APTX: variants seen among roughly 807,000 people sequenced by gnomAD.
APTX encodes aprataxin, also known as forkhead-associated domain histidine triad-like protein.
APTX carries 33 observed loss-of-function variants against 42.3 expected under a neutral mutation model. The observed-to-expected ratio is 0.78, with a 90% CI of 0.59 to 1.04. APTX has a LOEUF of 1.04. Among genes scored for constraint, APTX ranks in the 50% least tolerant of loss-of-function variants. APTX has a pLI of 0.00. For missense variants in APTX, 421 were observed against 415.1 expected (o/e 1.01, Z -0.12); for synonymous variants, 130 against 146.7 (o/e 0.89, Z 0.82).
intron 1 of APTX, chr9:33,024,856 G>GT (rs1349785360): frequency 7.9e-5 from 5 of 63,136 alleles, no homozygotes; most frequent in Non-Finnish European, 1.9e-4. Flanking sequence ...AGAGGCGCCC[G>GT]TAAGAGGGGG....
At chr9:32,992,622 T>C (rs1362892828) in intron 1 of APTX, among the ~76,000 whole-genome samples, 3 of 152,220 alleles carry the variant, frequency 2.0e-5, no homozygotes, top group African/African-American at 7.2e-5. Flanking sequence ...GAAAGAATAC[T>C]AGGCTGAAAA....
intron 1 of APTX, chr9:33,020,218 T>C (rs949249658): frequency 1.5e-5 from 3 of 201,342 alleles, no homozygotes; most frequent in Admixed American, 6.0e-5. Context: ...TGGACTCACC[T>C]TTTCCTTCAC....
intron 6 of APTX, chr9:32,979,865 A>G: frequency 5.8e-6 from 1 of 171,532 alleles, no homozygotes; most frequent in South Asian, 1.2e-4. Flanking sequence ...TGCATTTCGT[A>G]CCTATATTCC....
At chr9:32,995,985 C>A (rs951725358) in intron 1 of APTX, among the ~76,000 whole-genome samples, 1 of 152,128 alleles carries the variant, frequency 6.6e-6, no homozygotes, top group Non-Finnish European at 1.5e-5. Flanking sequence ...CAAGACCCCC[C>A]CTACATCAGC....
At chr9:33,019,966 T>A in intron 1 of APTX, 1 of 428,322 alleles carries the variant, frequency 2.3e-6, no homozygotes. Context: ...GCCGCATTCC[T>A]GGCCCTTGGC....
In APTX at chr9:32,973,340, C is replaced by A. The variant is rs1237977508; in HGVS notation, c.*158G>T. On this transcript the variant is annotated 3_prime_UTR_variant, in exon 8 of 8. Coordinates refer to ENST00000379817, the MANE Select transcript of APTX (RefSeq NM_001195248.2). ...ATTCCTAATCCTGAAGTACTTTGAGCCACTCTACATTGTGGCCACTCAATA... is the reference window on the plus strand; with the variant it reads ...ATTCCTAATCCTGAAGTACTTTGAGACACTCTACATTGTGGCCACTCAATA... 1.2e-6 allele frequency: 1 copy of A among 866,672 alleles called. No individual in the cohort carries two copies. The highest frequency in any genetic ancestry group is 2.6e-5 in the East Asian group (1 of 38,132). The allele number at this position is 866,672 out of a possible 1,614,324, so 53.7% of individuals were successfully genotyped here. A position where few individuals can be genotyped will look rare whatever the true frequency, so the allele number is the denominator to read the frequency against.
In APTX at chr9:32,985,540, T is replaced by A. The variant is rs572460591; in HGVS notation, c.543+431A>T. Among the ~76,000 whole-genome samples, 9 of 152,182 alleles carry A rather than the reference T, an allele frequency of 5.9e-5. No individual in the cohort carries two copies. The South Asian group carries it at 1.9e-3, about 32-fold the overall frequency. On this transcript the variant is annotated intron_variant, in intron 5 of 7. Coordinates refer to ENST00000379817, the MANE Select transcript of APTX (RefSeq NM_001195248.2). ...TAGTAGAGACAGGGTTTCTCCATGT[T>A]GGTCAGGCTGATCTCGAACTCCTGA...
intron 1 of APTX, among the ~76,000 whole-genome samples, chr9:32,995,694 T>C (rs962279723): frequency 3.1e-4 from 47 of 152,222 alleles, no homozygotes; most frequent in South Asian, 2.3e-3. Flanking sequence ...GAGACCATCC[T>C]GGCTAACACG....
chr9:32,992,917 G>A (rs1020570606), intron 1 of APTX, among the ~76,000 whole-genome samples: 5 of 152,134 alleles, frequency 3.3e-5, no homozygotes, highest in Admixed American at 6.5e-5. Flanking sequence ...TGGTGTTATG[G>A]GCAGGTCCCA....
Position 32,989,807 on chromosome 9 carries a change from G to T in APTX, c.85C>A (p.Arg29Ser), listed in dbSNP as rs754156994. ...TCAGTGATCTTGGTCTCTGGGCCAC[G>T]CCCAATCACAACTGCTTCCAAATGT... ...LPHLEAVVIG[R>S]GPETKITDKK... is the part of the protein sequence containing the mutation. The change falls in exon 2 of 8, where the codon CGT becomes AGT. Residue 29 changes from arginine (R) to serine (S), a missense_variant. Coordinates refer to ENST00000379817, the MANE Select transcript of APTX (RefSeq NM_001195248.2). 5 of 1,614,224 alleles carry T rather than the reference G, an allele frequency of 3.1e-6. No individual in the cohort carries two copies. The Admixed American group carries it at 5.0e-5, about 16-fold the overall frequency.
chr9:33,018,257 C>T (rs189470713), intron 1 of APTX, among the ~76,000 whole-genome samples: 2 of 151,312 alleles, frequency 1.3e-5, no homozygotes, highest in East Asian at 2.0e-4. Flanking sequence ...ACTACAGGCA[C>T]GTGCCACTAC....
At chr9:32,979,251 C>T (rs1157175029) in intron 6 of APTX, among the ~76,000 whole-genome samples, 1 of 152,080 alleles carries the variant, frequency 6.6e-6, no homozygotes, top group Non-Finnish European at 1.5e-5. Context: ...TCCATGTGTG[C>T]TCCGTATTTA....
In APTX at chr9:33,001,594, A is replaced by ACGTTACTC; in HGVS notation, c.-40_-33dup. ...CCAGAAGTCGGAGACGGACAAATTC[A>ACGTTACTC]CGTTACTCATCTGTGCCTCACCGCT... On this transcript the variant is annotated 5_prime_UTR_variant, in exon 1 of 8. An upstream open reading frame in the 5' UTR gains an earlier in-frame stop. Transcript: ENST00000379817. 6.2e-7 allele frequency: 1 copy of ACGTTACTC among 1,613,932 alleles called. No individual in the cohort carries two copies. The highest frequency in any genetic ancestry group is 8.5e-7 in the Non-Finnish European group (1 of 1,180,012).
chr9:33,024,268 G>T (rs899636915), intron 1 of APTX, among the ~76,000 whole-genome samples: 1 of 152,118 alleles, frequency 6.6e-6, no homozygotes, highest in Admixed American at 6.5e-5. Flanking sequence ...CCACGCTGGC[G>T]TCCCAAAGTG....
At chr9:33,018,793 T>G (rs1245002976) in intron 1 of APTX, among the ~76,000 whole-genome samples, 2 of 150,740 alleles carry the variant, frequency 1.3e-5, no homozygotes, top group African/African-American at 4.9e-5. Flanking sequence ...GCAGGAGAAT[T>G]GCTGGAACCT....
chr9:32,990,181 T>A (rs1201399603), intron 1 of APTX: 8 of 326,210 alleles, frequency 2.5e-5, no homozygotes, highest in African/African-American at 1.1e-4. Flanking sequence ...TTATTTATTT[T>A]ATTTATTTTG....
At chr9:33,006,439 A>T (rs1159101118), upstream of APTX, among the ~76,000 whole-genome samples, 1 of 152,140 alleles carries the variant, frequency 6.6e-6, no homozygotes, top group African/African-American at 2.4e-5. Flanking sequence ...TGGCCCCCTG[A>T]AAGCCCTTCT....
chr9:32,975,009 C>T (rs371602906), intron 6 of APTX, among the ~76,000 whole-genome samples: 7 of 152,182 alleles, frequency 4.6e-5, no homozygotes, highest in South Asian at 4.1e-4. Context: ...AAGCATCTCC[C>T]GGGAAGTGAT....
exon 1 of APTX, chr9:33,025,060 G>A (rs959198292): frequency 6.6e-6 from 1 of 152,562 alleles, no homozygotes; most frequent in Non-Finnish European, 1.5e-5. Context: ...TCGCTGAGTG[G>A]AGAAAAGGGC....
Sources: gnomAD v4.1 joint callset for allele counts (sites outside exome capture counted in the v4.1 genomes callset) on GRCh38, gnomAD v4.1.1 for gene constraint, MANE v1.5 for transcripts, NCBI Gene and HGNC (gene_info 2026-07-23, HGNC 2026-07-21) for gene names.